PLCL1: variants seen among roughly 807,000 people sequenced by gnomAD.
The protein encoded by PLCL1 is inactive phospholipase C-like protein 1.
Under a neutral mutation model 84.4 loss-of-function variants are expected in PLCL1, and 41 were observed. That is an observed-to-expected ratio of 0.49 (90% confidence interval 0.38 to 0.63). PLCL1 has a LOEUF of 0.63. Ranked by LOEUF, PLCL1 falls within the 30% of genes least tolerant of loss-of-function variation. The pLI, the probability that PLCL1 is intolerant of heterozygous loss-of-function variation, is 0.00. For synonymous variants in PLCL1, 490 were observed against 488.3 expected, an observed-to-expected ratio of 1.00 and a Z score of -0.05; for missense variants, 1,206 against 1,367.8, an observed-to-expected ratio of 0.88 and a Z score of 1.87.
At chr2:197,941,858 A>G (rs1049954076) in intron 1 of PLCL1, among the ~76,000 whole-genome samples, 1 of 151,998 alleles carries the variant, frequency 6.6e-6, no homozygotes, top group Non-Finnish European at 1.5e-5. Flanking sequence ...ATCCCTATAC[A>G]GTGGCATCTA....
chr2:197,818,760 G>T (rs1470331727), intron 1 of PLCL1, among the ~76,000 whole-genome samples: 1 of 152,042 alleles, frequency 6.6e-6, no homozygotes, highest in Non-Finnish European at 1.5e-5. Context: ...AGTTCAGACT[G>T]GTGTCTTTCT....
At chr2:198,140,931 A>G (rs1694371769) in intron 5 of PLCL1, among the ~76,000 whole-genome samples, 1 of 152,198 alleles carries the variant, frequency 6.6e-6, no homozygotes, top group Admixed American at 6.5e-5. Flanking sequence ...TTAAAAAATT[A>G]ACTTTATATA....
At chr2:198,090,914 G>A (rs890292608) in intron 3 of PLCL1, among the ~76,000 whole-genome samples, 1 of 152,208 alleles carries the variant, frequency 6.6e-6, no homozygotes, top group Admixed American at 6.5e-5. Flanking sequence ...GTGTCTGACA[G>A]TGTCTTATTT....
intron 5 of PLCL1, among the ~76,000 whole-genome samples, chr2:198,139,789 G>T (rs1694339373): frequency 6.6e-6 from 1 of 152,094 alleles, no homozygotes; most frequent in Non-Finnish European, 1.5e-5. Context: ...TGAAAACTAA[G>T]GTGCAAGTCC....
chr2:197,959,661 C>T (rs112053259), intron 1 of PLCL1, among the ~76,000 whole-genome samples: 1 of 151,768 alleles, frequency 6.6e-6, no homozygotes, highest in African/African-American at 2.4e-5. Flanking sequence ...TTAAAGCAAC[C>T]AGTGTTTAAA....
chr2:198,116,300 G>A (rs1693747234), intron 5 of PLCL1, among the ~76,000 whole-genome samples: 1 of 151,580 alleles, frequency 6.6e-6, no homozygotes, highest in Non-Finnish European at 1.5e-5. Context: ...ATAGTAATAG[G>A]CCAGGAGGAT....
chr2:198,106,776 C>T (rs1693483836), intron 5 of PLCL1, among the ~76,000 whole-genome samples: 1 of 151,836 alleles, frequency 6.6e-6, no homozygotes, highest in South Asian at 2.1e-4. Flanking sequence ...TCTTCCTTGC[C>T]ACAACAGTGC....
At chr2:198,107,883 A>G (rs1390513008) in intron 5 of PLCL1, among the ~76,000 whole-genome samples, 2 of 151,856 alleles carry the variant, frequency 1.3e-5, no homozygotes, top group Non-Finnish European at 2.9e-5. Flanking sequence ...CCACACTTCC[A>G]ATAGCTCCTT....
intron 4 of PLCL1, among the ~76,000 whole-genome samples, 190 bp downstream of exon 4, chr2:198,101,550 T>C (rs989970858): frequency 1.3e-5 from 2 of 152,010 alleles, no homozygotes; most frequent in African/African-American, 4.8e-5. Flanking sequence ...CAAGTGATAA[T>C]AGGTGGGTTG....
chr2:197,836,919 T>C (rs958402735), intron 1 of PLCL1, among the ~76,000 whole-genome samples: 2 of 152,136 alleles, frequency 1.3e-5, no homozygotes, highest in East Asian at 1.9e-4. Context: ...GGGCTGGTGT[T>C]GAACTCCTAA....
chr2:198,109,119 C>T (rs1693557552), intron 5 of PLCL1, among the ~76,000 whole-genome samples: 1 of 151,804 alleles, frequency 6.6e-6, no homozygotes, highest in Non-Finnish European at 1.5e-5. Flanking sequence ...TTATAAACAA[C>T]AGAAATTTAT....
chr2:197,805,120 CA>C lies in PLCL1; in HGVS notation c.22del (p.Arg8GlyfsTer27). ...AGGCCATGGCCGAGGGCGCGGCCGGCAGGGAGGATCCGGCGCCGCCCGACGC... is the reference window on the plus strand; with the variant it reads ...AGGCCATGGCCGAGGGCGCGGCCGGCGGGAGGATCCGGCGCCGCCCGACGC... MAEGAAG[R>X]EDPAPPDAAG... On this transcript the variant is annotated frameshift_variant, in exon 1 of 6. Coordinates refer to ENST00000428675, the MANE Select transcript of PLCL1 (RefSeq NM_006226.4). LOFTEE classifies it high-confidence loss of function. This position sits in a 1 kb window ranked among gnomAD's most constrained non-coding sequence, Gnocchi z 4.0. 2 of 1,323,352 alleles carry C rather than the reference CA, an allele frequency of 1.5e-6. No individual in the cohort carries two copies. The highest frequency in any genetic ancestry group is 1.9e-6 in the Non-Finnish European group (2 of 1,041,316). 82.0% of individuals were successfully genotyped at this position (1,323,352 alleles called of 1,614,324 possible).
In PLCL1 at chr2:197,962,426, C is replaced by A. The variant is rs115087310; in HGVS notation, c.241-121332C>A. ...TCATCCATCACTGTGTGGTAACTAACGTAAACTAATTGAATTTCTTTTTAA... is the reference window on the plus strand; with the variant it reads ...TCATCCATCACTGTGTGGTAACTAAAGTAAACTAATTGAATTTCTTTTTAA... On this transcript the variant is annotated intron_variant, in intron 1 of 5. Coordinates refer to ENST00000428675, the MANE Select transcript of PLCL1 (RefSeq NM_006226.4). Among the ~76,000 whole-genome samples the A allele has an allele frequency of 4.8e-3, 730 of 152,116 alleles. 4 individuals carry two copies. The highest frequency in any genetic ancestry group is 0.017 in the African/African-American group (689 of 41,514).
intron 1 of PLCL1, among the ~76,000 whole-genome samples, chr2:197,942,153 A>T (rs759611202): frequency 4.6e-5 from 7 of 152,198 alleles, no homozygotes; most frequent in Non-Finnish European, 1.0e-4. Flanking sequence ...CATTAGAAAC[A>T]TTCTCTAGAT....
chr2:197,873,999 C>T (rs776812475), intron 1 of PLCL1, among the ~76,000 whole-genome samples: 29 of 152,084 alleles, frequency 1.9e-4, no homozygotes, highest in African/African-American at 6.3e-4. Context: ...ACTTTAGTAA[C>T]GCAATATTAT....
chr2:197,836,464 A>AT (rs1336744036), intron 1 of PLCL1, among the ~76,000 whole-genome samples: 2 of 150,908 alleles, frequency 1.3e-5, no homozygotes, highest in Admixed American at 1.3e-4. Context: ...AAAAAAAAAA[A>AT]AAAAAAAAAA....
intron 1 of PLCL1, among the ~76,000 whole-genome samples, chr2:197,900,741 A>C (rs952811716): frequency 6.6e-6 from 1 of 152,244 alleles, no homozygotes; most frequent in Non-Finnish European, 1.5e-5. Context: ...TACAAAGTGA[A>C]AGGGTTGTCA....
rs749567324 is a variant in PLCL1 at position 198,085,883 on chromosome 2, C to T, written c.2366C>T (p.Pro789Leu). Residue 789 changes from proline (P) to leucine (L), a missense_variant, in exon 2 of 6, where the codon CCT becomes CTT. Coordinates refer to ENST00000428675, the MANE Select transcript of PLCL1 (RefSeq NM_006226.4). The surrounding 1 kb of genome is among the most constrained non-coding windows in gnomAD (Gnocchi z 5.3). ...DETFEFQVNL[P>L]ELAMIRFVVL... is the part of the protein sequence containing the mutation. ...ACTTTTGAGTTCCAAGTAAACCTAC[C>T]TGAGCTGGCCATGATCCGTTTTGTT... 36 of 1,613,904 alleles carry T rather than the reference C, an allele frequency of 2.2e-5. No homozygotes were observed. Among genetic ancestry groups the T allele is most frequent in the Non-Finnish European group, 2.9e-5 (34 of 1,179,940 alleles).
chr2:198,026,780 A>G (rs1691275995), intron 1 of PLCL1, among the ~76,000 whole-genome samples: 1 of 152,186 alleles, frequency 6.6e-6, no homozygotes, highest in African/African-American at 2.4e-5. Context: ...AACATTACTA[A>G]TCATCAGGGA....
Sources: allele counts gnomAD v4.1 joint callset (sites outside exome capture counted in the v4.1 genomes callset), GRCh38; gene constraint gnomAD v4.1.1; non-coding constraint Gnocchi (gnomAD v3.1); transcripts MANE v1.5; gene names NCBI Gene and HGNC (gene_info 2026-07-23, HGNC 2026-07-21).